RBM12: variants seen among roughly 807,000 people sequenced by gnomAD.
RBM12 encodes RNA binding motif protein 12.
Under a neutral mutation model 37.2 loss-of-function variants are expected in RBM12, and 24 were observed. The observed-to-expected ratio is 0.65, with a 90% confidence interval of 0.47 to 0.91. The LOEUF is 0.91. Among genes scored for constraint, RBM12 ranks in the 40% least tolerant of loss-of-function variants. RBM12 has a pLI of 0.00. For synonymous variants in RBM12, 420 were observed against 425.2 expected (o/e 0.99, Z 0.15); for missense variants, 1,061 against 1,183.2 (o/e 0.90, Z 1.52).
At chr20:35,659,457 C>T (rs1235054786) in intron 1 of RBM12, among the ~76,000 whole-genome samples, 1 of 152,190 alleles carries the variant, frequency 6.6e-6, no homozygotes, top group Non-Finnish European at 1.5e-5. Flanking sequence ...GATAGCAATT[C>T]AAGGGTACTC....
intron 2 of RBM12, among the ~76,000 whole-genome samples, chr20:35,657,237 C>T (rs186595398): frequency 6.6e-6 from 1 of 152,294 alleles, no homozygotes; most frequent in African/African-American, 2.4e-5. Flanking sequence ...AAAATTAACG[C>T]TAAAAAACAT....
rs267605909 is a variant in RBM12, at chr20:35,653,424, G to A, written c.1899C>T (p.Ala633=). 14 of 1,612,810 alleles carry A rather than the reference G, an allele frequency of 8.7e-6. No individual in the cohort carries two copies. In the South Asian group the frequency reaches 8.8e-5, roughly 10 times the overall value. The change falls in exon 3 of 3, where the codon GCC becomes GCT. Residue 633 remains alanine (A), a synonymous_variant. Coordinates refer to ENST00000374114, the MANE Select transcript of RBM12 (RefSeq NM_006047.6). ...GCATCTTTAATCCCTTTTTTCCTTG[G>A]GCAGGGGGATTTTTCTCAATCTCTC... ...DMREIEKNPP[A]QGKKGLKMPV...
chr20:35,655,126 C>A lies in RBM12; in HGVS notation c.197G>T (p.Gly66Val). Reference protein sequence around the residue: ...GMMRTGGTIKGSKVTLLLSSK... With the variant: ...GMMRTGGTIKVSKVTLLLSSK... ...ACTCAACAATAGTGTTACTTTTGAC[C>A]CTTTAATTGTACCACCTGTGCGCAT... is the stretch of plus-strand genomic sequence containing the variant. Residue 66 changes from glycine to valine, a missense_variant, in exon 3 of 3, where the codon GGG (glycine) becomes GTG (valine). Gly to Val is a moderately radical substitution (Grantham distance 109). Coordinates refer to ENST00000374114, the MANE Select transcript of RBM12 (RefSeq NM_006047.6). 6.2e-7 allele frequency: 1 copy of A among 1,614,142 alleles called. No homozygotes were observed. Among genetic ancestry groups the A allele is most frequent in the Non-Finnish European group, 8.5e-7 (1 of 1,180,030 alleles).
chr20:35,660,648 GA>G (rs1481481777), intron 1 of RBM12, among the ~76,000 whole-genome samples: 1 of 152,196 alleles, frequency 6.6e-6, no homozygotes, highest in Non-Finnish European at 1.5e-5. Context: ...GCAAGAGCAT[GA>G]AGTACTGTAA....
rs988746137 is a variant in RBM12, at chr20:35,654,649, G to A, written c.674C>T (p.Pro225Leu). 2.5e-6 allele frequency: 4 copies of A among 1,613,834 alleles called. No individual in the cohort carries two copies. Among genetic ancestry groups the A allele is most frequent in the East Asian group, 4.5e-5 (2 of 44,882 alleles). The change falls in exon 3 of 3, where the codon CCG becomes CTG. Residue 225 changes from proline (P) to leucine (L), a missense_variant. By Grantham distance (98) the Pro-to-Leu change is moderately conservative (BLOSUM62 -3). This residue lies in a region of RBM12 where 540 missense variants were observed against 632.7 expected (regional missense o/e 0.85). Coordinates refer to ENST00000374114, the MANE Select transcript of RBM12 (RefSeq NM_006047.6). ...PTLPPVPPVP[P>L]IPPVPSVPPM... ...TGGCACAGAAGGAACTGGGGGAATC[G>A]GGGGCACAGGAGGCACAGGAGGCAA...
At chr20:35,658,774 G>A (rs192111934) in intron 2 of RBM12, among the ~76,000 whole-genome samples, 156 bp downstream of exon 2, 84 of 148,338 alleles carry the variant, frequency 5.7e-4, no homozygotes, top group Admixed American at 4.5e-3. Flanking sequence ...GCAAGACTCC[G>A]TCTCAAAACA....
At position 35,653,112 on chromosome 20, in the gene RBM12, G is replaced by C. The variant is rs769668015; in HGVS notation, c.2211C>G (p.Ile737Met). The change falls in exon 3 of 3, where the codon ATC becomes ATG. Residue 737 changes from isoleucine to methionine, a missense_variant. Ile to Met is a conservative substitution (Grantham distance 10). Coordinates refer to ENST00000374114, the MANE Select transcript of RBM12 (RefSeq NM_006047.6). ...CCCCGCCTCCTAATCCTGGAGGAGG[G>C]ATTGGTGGCCCAAAGGCATTTGATC... ...FGGSNAFGPP[I>M]PPPGLGGGAF... 6.2e-7 allele frequency: 1 copy of C among 1,613,784 alleles called. No individual in the cohort carries two copies. Among genetic ancestry groups the C allele is most frequent in the South Asian group, 1.1e-5 (1 of 91,082 alleles).
At position 35,664,876 on chromosome 20, in the gene RBM12, C is replaced by G. The variant is rs1306990988; in HGVS notation, c.-224G>C. On this transcript the variant is annotated 5_prime_UTR_variant, in exon 1 of 3. Coordinates refer to ENST00000374114, the MANE Select transcript of RBM12 (RefSeq NM_006047.6). ...GCTTCCCGGAGCCCAACGCAGCCAC[C>G]ACCTCCTTCGCCGCTTCACAAAATG... 1 of 152,380 alleles carries G rather than the reference C, an allele frequency of 6.6e-6. No homozygotes were observed. The highest frequency in any genetic ancestry group is 1.5e-5 in the Non-Finnish European group (1 of 68,134). The allele number at this position is 152,380 out of a possible 1,614,324, so 9.4% of individuals were successfully genotyped here.
In RBM12 at chr20:35,654,256, G is replaced by C; in HGVS notation, c.1067C>G (p.Thr356Arg). The change falls in exon 3 of 3, where the codon ACA (threonine) becomes AGA (arginine). Residue 356 changes from threonine to arginine, a missense_variant. Physicochemically the swap from Thr to Arg is moderately conservative, Grantham distance 71 (BLOSUM62 -1). Around this residue, in one of 3 missense-constraint regions of RBM12, gnomAD observed 540 missense variants for 632.7 expected, o/e 0.85. Coordinates refer to ENST00000374114, the MANE Select transcript of RBM12 (RefSeq NM_006047.6). ...TCTGTTTCGTTTCAAAGCTTCAAAT[G>C]TATCTTGAGGGGAGAGAAACTTAAC... ...GLVKFLSPQD[T>R]FEALKRNRML... 2 of 1,614,150 alleles carry C rather than the reference G, an allele frequency of 1.2e-6. No individual in the cohort carries two copies. The highest frequency in any genetic ancestry group is 1.7e-6 in the Non-Finnish European group (2 of 1,180,030).
At position 35,651,449 on chromosome 20, in the gene RBM12, G is replaced by A. The variant is rs996644480; in HGVS notation, c.*1075C>T. On this transcript the variant is annotated 3_prime_UTR_variant, in exon 3 of 3. Coordinates refer to ENST00000374114, the MANE Select transcript of RBM12 (RefSeq NM_006047.6). ...AGCCTCCAAATAACAGGACTAACACGTATCAATCTACGAACCAGCATACGG... is the reference window on the plus strand; with the variant it reads ...AGCCTCCAAATAACAGGACTAACACATATCAATCTACGAACCAGCATACGG... 3 of 152,162 alleles carry A rather than the reference G, an allele frequency of 2.0e-5. No homozygotes were observed. Among genetic ancestry groups the A allele is most frequent in the Non-Finnish European group, 2.9e-5 (2 of 68,032 alleles). 9.4% of individuals were successfully genotyped at this position (152,162 alleles called of 1,614,324 possible).
At position 35,653,505 on chromosome 20, in the gene RBM12, AC is replaced by A; in HGVS notation, c.1817del (p.Arg606LeufsTer13). The A allele has an allele frequency of 6.2e-7, 1 of 1,614,210 alleles. No individual in the cohort carries two copies. The highest frequency in any genetic ancestry group is 8.5e-7 in the Non-Finnish European group (1 of 1,180,032). On this transcript the variant is annotated frameshift_variant, in exon 3 of 3. Coordinates refer to ENST00000374114, the MANE Select transcript of RBM12 (RefSeq NM_006047.6). LOFTEE classifies it high-confidence loss of function. ...DDARKSERLH[R>X]KKLNGREAFV... ...AAGCTTCTCTCCCATTAAGTTTTTT[AC>A]GGTGTAAGCGTTCAGACTTACGTGC... is the stretch of plus-strand genomic sequence containing the variant.
intron 2 of RBM12, among the ~76,000 whole-genome samples, chr20:35,657,707 A>C (rs984510294): frequency 1.6e-4 from 24 of 152,248 alleles, no homozygotes; most frequent in Admixed American, 5.9e-4. Context: ...AGTGGAATAC[A>C]AGATTTATTC....
In RBM12 at chr20:35,653,864, C is replaced by A; in HGVS notation, c.1459G>T (p.Ala487Ser). 6.2e-7 allele frequency: 1 copy of A among 1,614,076 alleles called. No homozygotes were observed. Among genetic ancestry groups the A allele is most frequent in the Non-Finnish European group, 8.5e-7 (1 of 1,180,032 alleles). Residue 487 changes from alanine to serine, a missense_variant, in exon 3 of 3, where the codon GCT becomes TCT. By Grantham distance (99) the Ala-to-Ser change is moderately conservative (BLOSUM62 1). Transcript: ENST00000374114. ...ATGTACTGTTTATGACGACACAGAG[C>A]AGCCTTATAGTCAGCCTCATTTCTG... ...EFRNEADYKA[A>S]LCRHKQYMGN...
At position 35,653,520 on chromosome 20, in the gene RBM12, A is replaced by T. The variant is rs1410901133; in HGVS notation, c.1803T>A (p.Ser601=). ...QFKNEDDARK[S]ERLHRKKLNG... The stretch of plus-strand genomic sequence containing the variant: ...TAAGTTTTTTACGGTGTAAGCGTTC[A>T]GACTTACGTGCATCATCTTCATTTT... Residue 601 remains serine, a synonymous_variant, in exon 3 of 3, where the codon TCT becomes TCA. Transcript: ENST00000374114. The T allele has an allele frequency of 1.9e-6, 3 of 1,614,120 alleles. No individual in the cohort carries two copies. The African/African-American group carries it at 4.0e-5, about 22-fold the overall frequency.
intron 1 of RBM12, among the ~76,000 whole-genome samples, chr20:35,659,887 A>G (rs1601493815): frequency 6.6e-6 from 1 of 152,184 alleles, no homozygotes. Flanking sequence ...TAATTCGGAG[A>G]GAGAAGAAAT....
At position 35,653,810 on chromosome 20, in the gene RBM12, T is replaced by C. The variant is rs377507072; in HGVS notation, c.1513A>G (p.Ile505Val). The C allele has an allele frequency of 3.1e-6, 5 of 1,613,774 alleles. No homozygotes were observed. The African/African-American group carries it at 4.0e-5, about 13-fold the overall frequency. The part of the protein sequence containing the change: ...MGNRFIQVHP[I>V]TKKGMLEKID... ...TTTTCTAGCATACCTTTCTTAGTAA[T>C]TGGATGAACTTGAATAAAGCGATTG... The change falls in exon 3 of 3, where the codon ATT becomes GTT. Residue 505 changes from isoleucine to valine, a missense_variant. Ile to Val is a conservative substitution (Grantham distance 29). Around this residue, in one of 3 missense-constraint regions of RBM12, gnomAD observed 4 missense variants for 16.5 expected, o/e 0.24. Transcript: ENST00000374114.
Position 35,652,698 on chromosome 20 carries a change from G to C in RBM12, c.2625C>G (p.Phe875Leu). ...FTVSIDEILD[F>L]FYGYQVIPGS... ...CTGGGATTACTTGATAGCCATAAAA[G>C]AAATCTAAAATCTCATCAATAGACA... The change falls in exon 3 of 3, where the codon TTC becomes TTG. Residue 875 changes from phenylalanine (F) to leucine (L), a missense_variant. By Grantham distance (22) the Phe-to-Leu change is conservative. This residue lies in a region of RBM12 where 517 missense variants were observed against 534.0 expected (regional missense o/e 0.97). Transcript: ENST00000374114. 5 of 1,614,144 alleles carry C rather than the reference G, an allele frequency of 3.1e-6. No individual in the cohort carries two copies. The highest frequency in any genetic ancestry group is 3.4e-6 in the Non-Finnish European group (4 of 1,179,982).
rs768845060 is a variant in RBM12 at position 35,654,769 on chromosome 20, A to G, written c.554T>C (p.Val185Ala). ...VPSTASPMNT[V>A]PPPPIPPIPA... ...AATTGGAGGAATTGGTGGCGGCGGG[A>G]CTGTGTTCATTGGAGAGGCTGTGCT... Residue 185 changes from valine to alanine, a missense_variant, in exon 3 of 3, where the codon GTC becomes GCC. Val to Ala is a moderately conservative substitution (Grantham distance 64). Coordinates refer to ENST00000374114, the MANE Select transcript of RBM12 (RefSeq NM_006047.6). 9 of 1,613,874 alleles carry G rather than the reference A, an allele frequency of 5.6e-6. No homozygotes were observed. Among genetic ancestry groups the G allele is most frequent in the Non-Finnish European group, 7.6e-6 (9 of 1,179,878 alleles).
intron 2 of RBM12, 122 bp from the exon 3 acceptor site, chr20:35,655,466 A>G: frequency 1.2e-6 from 1 of 804,604 alleles, no homozygotes; most frequent in Non-Finnish European, 1.9e-6. Flanking sequence ...ATCACAGGCA[A>G]TGTCTTTAAT....
Sources: gnomAD v4.1 joint callset for allele counts (sites outside exome capture counted in the v4.1 genomes callset) on GRCh38, gnomAD v4.1.1 for gene constraint, gnomAD v4.1.1 regional missense constraint, MANE v1.5 for transcripts, NCBI Gene and HGNC (gene_info 2026-07-23, HGNC 2026-07-21) for gene names.